PAK5: variants seen among roughly 807,000 people sequenced by gnomAD.
PAK5 encodes serine/threonine-protein kinase PAK 5.
In PAK5, 16 loss-of-function variants were observed where a neutral mutation model predicts 65.9. The ratio of observed to expected loss-of-function variants is 0.24; its 90% CI spans 0.16 to 0.37. PAK5 has a LOEUF of 0.37. PAK5 is among the 10% of genes least tolerant of loss of function. The pLI, the probability that PAK5 is intolerant of heterozygous loss-of-function variation, is 1.00. For missense variants in PAK5, 785 were observed against 903.9 expected, an observed-to-expected ratio of 0.87 and a Z score of 1.69; for synonymous variants, 371 against 354.9, an observed-to-expected ratio of 1.05 and a Z score of -0.51.
intron 3 of PAK5, among the ~76,000 whole-genome samples, chr20:9,621,125 G>A (rs2046760159): frequency 6.6e-6 from 1 of 152,014 alleles, no homozygotes; most frequent in South Asian, 2.1e-4. Context: ...TCTGGAAATA[G>A]GCAATTCAAA....
chr20:9,657,775 CAG>C (rs990697189), intron 2 of PAK5, among the ~76,000 whole-genome samples: 5 of 152,140 alleles, frequency 3.3e-5, no homozygotes, highest in African/African-American at 1.2e-4. Flanking sequence ...GAACTTGAAA[CAG>C]AGCATTCCAG....
At chr20:9,545,312 A>C (rs1394897377) in intron 7 of PAK5, among the ~76,000 whole-genome samples, 1 of 152,168 alleles carries the variant, frequency 6.6e-6, no homozygotes, top group Admixed American at 6.5e-5. Flanking sequence ...CTGCTGGTTT[A>C]TGAATTCTAG....
At chr20:9,568,664 C>T (rs1568969158) in intron 4 of PAK5, among the ~76,000 whole-genome samples, 1 of 152,122 alleles carries the variant, frequency 6.6e-6, no homozygotes, top group Non-Finnish European at 1.5e-5. Flanking sequence ...GTCATGAGGA[C>T]ACTCAAGAAT....
At chr20:9,647,034 G>A (rs1476068245) in intron 2 of PAK5, among the ~76,000 whole-genome samples, 2 of 152,188 alleles carry the variant, frequency 1.3e-5, no homozygotes, top group African/African-American at 4.8e-5. Flanking sequence ...TACACAGAAA[G>A]AGCTAACATA....
intron 2 of PAK5, among the ~76,000 whole-genome samples, chr20:9,646,650 A>G (rs1266252791): frequency 1.3e-5 from 2 of 151,858 alleles, no homozygotes; most frequent in African/African-American, 4.8e-5. Context: ...TTCAAGGAGG[A>G]CTCTCCCACA....
At chr20:9,712,104 T>G (rs951124896) in intron 1 of PAK5, among the ~76,000 whole-genome samples, 1 of 152,144 alleles carries the variant, frequency 6.6e-6, no homozygotes, top group Non-Finnish European at 1.5e-5. Flanking sequence ...CTATTGTGCT[T>G]AGGAACATGA....
At chr20:9,589,219 T>G (rs1431354435) in intron 3 of PAK5, among the ~76,000 whole-genome samples, 1 of 152,230 alleles carries the variant, frequency 6.6e-6, no homozygotes, top group Non-Finnish European at 1.5e-5. Flanking sequence ...TCAGAACTTA[T>G]GTACTTTTAA....
At chr20:9,601,162 A>G (rs1178833880) in intron 3 of PAK5, among the ~76,000 whole-genome samples, 1 of 152,164 alleles carries the variant, frequency 6.6e-6, no homozygotes, top group Non-Finnish European at 1.5e-5. Context: ...TGATATCTGG[A>G]TTCCCATCTA....
At chr20:9,820,766 T>C (rs867208621) in intron 1 of PAK5, among the ~76,000 whole-genome samples, 24 of 152,310 alleles carry the variant, frequency 1.6e-4, no homozygotes, top group Middle Eastern at 6.8e-3. Context: ...ATGTGAATGT[T>C]GTCTTCTGAA....
Position 9,829,823 on chromosome 20 carries a change from C to A in PAK5, c.-162+8939G>T, listed in dbSNP as rs1234456831. 2.0e-5 allele frequency among the ~76,000 whole-genome samples: 3 copies of A among 152,150 alleles called. No individual in the cohort carries two copies. In the East Asian group the frequency reaches 5.8e-4, roughly 29 times the overall value. On this transcript the variant is annotated intron_variant, in intron 1 of 9. Transcript: ENST00000353224. The stretch of plus-strand genomic sequence containing the variant: ...ATATGCCTTCATAACAACGTAGAAG[C>A]CAGATTTAAATTTAGAGTACTTAAA...
At chr20:9,724,463 C>A (rs1035292478) in intron 1 of PAK5, among the ~76,000 whole-genome samples, 1 of 152,134 alleles carries the variant, frequency 6.6e-6, no homozygotes, top group African/African-American at 2.4e-5. Context: ...TGTTCGTGGA[C>A]ATTATGGGCT....
intron 2 of PAK5, 147 bp from the exon 3 acceptor site, chr20:9,644,486 G>T: frequency 1.6e-6 from 1 of 610,314 alleles, no homozygotes; most frequent in East Asian, 2.9e-5. Context: ...GAGTTTTCAG[G>T]GTGTGTAAAT....
intron 2 of PAK5, among the ~76,000 whole-genome samples, chr20:9,699,683 A>T (rs888895162): frequency 6.6e-6 from 1 of 151,852 alleles, no homozygotes; most frequent in East Asian, 1.9e-4. Flanking sequence ...AATAAAAAAA[A>T]CTCTACATCT....
At chr20:9,641,027 C>A (rs8123248) in intron 3 of PAK5, among the ~76,000 whole-genome samples, 1 of 152,008 alleles carries the variant, frequency 6.6e-6, no homozygotes, top group Non-Finnish European at 1.5e-5. Context: ...CTGGCCCCAC[C>A]CACATCCTGC....
chr20:9,765,193 T>C (rs2048743608), intron 1 of PAK5, among the ~76,000 whole-genome samples: 1 of 152,194 alleles, frequency 6.6e-6, no homozygotes, highest in Admixed American at 6.5e-5. Context: ...GGAGTTTGCA[T>C]GAGTGAAAAA....
chr20:9,653,001 C>G (rs938490368), intron 2 of PAK5, among the ~76,000 whole-genome samples: 2 of 152,180 alleles, frequency 1.3e-5, no homozygotes, highest in Non-Finnish European at 2.9e-5. Flanking sequence ...CTGAACTGCA[C>G]ACTTTTTAGA....
chr20:9,708,436 A>G (rs926953239), intron 2 of PAK5, among the ~76,000 whole-genome samples: 1 of 152,228 alleles, frequency 6.6e-6, no homozygotes, highest in African/African-American at 2.4e-5. Flanking sequence ...TATCCAACAT[A>G]TAAGAATTAA....
At chr20:9,612,632 C>T (rs2046583509) in intron 3 of PAK5, among the ~76,000 whole-genome samples, 1 of 152,016 alleles carries the variant, frequency 6.6e-6, no homozygotes, top group Admixed American at 6.6e-5. Context: ...GTGAGAACTC[C>T]ACCCCCCCGA....
intron 3 of PAK5, among the ~76,000 whole-genome samples, chr20:9,584,904 T>C (rs958468531): frequency 6.6e-6 from 1 of 152,220 alleles, no homozygotes; most frequent in South Asian, 2.1e-4. Flanking sequence ...CCAAAAGAGC[T>C]TCCTGGTGTG....
Sources: allele counts gnomAD v4.1 joint callset (sites outside exome capture counted in the v4.1 genomes callset), GRCh38; gene constraint gnomAD v4.1.1; transcripts MANE v1.5; gene names NCBI Gene and HGNC (gene_info 2026-07-23, HGNC 2026-07-21).